TMEM230: variants seen among roughly 807,000 people sequenced by gnomAD.
TMEM230 encodes the protein UPF0414 transmembrane protein C20orf30.
In TMEM230, 10 loss-of-function variants were observed where a neutral mutation model predicts 15.8. The observed-to-expected ratio is 0.63, with a 90% CI of 0.39 to 1.07. TMEM230 has a LOEUF of 1.07. Ranked by LOEUF, TMEM230 falls within the 50% of genes least tolerant of loss-of-function variation. The pLI is 0.01. For synonymous variants in TMEM230, 67 were observed against 76.9 expected, an observed-to-expected ratio of 0.87 and a Z score of 0.68; for missense variants, 165 against 193.3, an observed-to-expected ratio of 0.85 and a Z score of 0.87.
downstream of TMEM230, among the ~76,000 whole-genome samples, chr20:5,099,625 C>T (rs1168272053): frequency 1.3e-5 from 2 of 152,158 alleles, no homozygotes. Context: ...TCGCAACTGC[C>T]TCCTCAACAG....
intron 3 of TMEM230, among the ~76,000 whole-genome samples, chr20:5,108,609 T>C (rs1458067011): frequency 2.6e-5 from 4 of 152,198 alleles, no homozygotes; most frequent in Admixed American, 2.6e-4. Context: ...TCCCAGATCT[T>C]TCCAGATCTA....
At chr20:5,104,797 C>A (rs2090004902) in intron 4 of TMEM230, among the ~76,000 whole-genome samples, 1 of 152,136 alleles carries the variant, frequency 6.6e-6, no homozygotes, top group African/African-American at 2.4e-5. Flanking sequence ...TCCATGTTCT[C>A]ACTCATTTGC....
At chr20:5,095,452 T>C (rs749073420), downstream of TMEM230, among the ~76,000 whole-genome samples, 1 of 152,164 alleles carries the variant, frequency 6.6e-6, no homozygotes, top group Non-Finnish European at 1.5e-5. Context: ...TTCTCACTGA[T>C]CACAAAAAAT....
At chr20:5,108,720 A>G (rs982145772) in intron 3 of TMEM230, among the ~76,000 whole-genome samples, 2 of 152,192 alleles carry the variant, frequency 1.3e-5, no homozygotes, top group Non-Finnish European at 2.9e-5. Flanking sequence ...CACGTAGAAC[A>G]TTCTATTGTA....
downstream of TMEM230, among the ~76,000 whole-genome samples, chr20:5,064,130 G>A (rs1568474124): frequency 6.6e-6 from 1 of 152,022 alleles, no homozygotes; most frequent in Admixed American, 6.6e-5. Flanking sequence ...AGACAGGTGT[G>A]GTAGCGCACA....
At chr20:5,111,130 C>G (rs1040176086) in intron 2 of TMEM230, 2 of 150,274 alleles carry the variant, frequency 1.3e-5, no homozygotes, top group African/African-American at 4.9e-5. Context: ...TACAGTGAGC[C>G]GAGACTGCAC....
At chr20:5,104,430 G>A (rs1344137209) in intron 4 of TMEM230, among the ~76,000 whole-genome samples, 2 of 152,176 alleles carry the variant, frequency 1.3e-5, no homozygotes, top group Non-Finnish European at 2.9e-5. Flanking sequence ...GGGAACCCTC[G>A]TACAATGTTG....
intron 3 of TMEM230, among the ~76,000 whole-genome samples, chr20:5,084,181 G>A (rs2089263465): frequency 6.6e-6 from 1 of 151,896 alleles, no homozygotes. Flanking sequence ...TTGTTGCAAA[G>A]AACACGATCT....
downstream of TMEM230, among the ~76,000 whole-genome samples, chr20:5,065,296 T>G (rs1218281045): frequency 1.3e-5 from 2 of 151,928 alleles, no homozygotes; most frequent in African/African-American, 2.4e-5. Context: ...AAATAACCCA[T>G]GAGTATCATG....
chr20:5,112,775 G>T, intron 1 of TMEM230, 186 bp downstream of exon 1: 4 of 1,479,312 alleles, frequency 2.7e-6, no homozygotes, highest in Middle Eastern at 1.8e-4. Flanking sequence ...AGAGAAATAA[G>T]AACCGACGCG....
intron 2 of TMEM230, 47 bp from the exon 2 acceptor site, chr20:5,109,492 G>A (rs2090228779): frequency 7.1e-7 from 1 of 1,404,776 alleles, no homozygotes; most frequent in Non-Finnish European, 1.0e-6. Context: ...AGATGACAAT[G>A]GTGCATTATA....
intron 3 of TMEM230, among the ~76,000 whole-genome samples, chr20:5,090,383 G>A (rs1550699): frequency 0.54 from 82,653 of 151,824 alleles, 23,012 homozygotes; most frequent in East Asian, 0.84. Flanking sequence ...GAAAAATGAC[G>A]ACAAAGGAGG....
chr20:5,060,285 A>G, the TMEM230 span, among the ~76,000 whole-genome samples: 2 of 146,788 alleles, frequency 1.4e-5, no homozygotes, highest in African/African-American at 5.0e-5. Context: ...AGGTTCTTCT[A>G]TTTTTGAAAT....
chr20:5,088,562 G>C lies in TMEM230; in HGVS notation c.222+17626C>G, dbSNP rs147764854. On this transcript the variant is annotated intron_variant, in intron 3 of 3. Coordinates refer to the TMEM230 transcript ENST00000612323. ...TGAGCCTACTGCACTCACCTGGCTA[G>C]AGTGCGGTAGCATGATCACAGCTGA... Among the ~76,000 whole-genome samples, 161 of 151,856 alleles carry C rather than the reference G, an allele frequency of 1.1e-3. 1 individual carries two copies. Among genetic ancestry groups the C allele is most frequent in the Non-Finnish European group, 1.9e-3 (130 of 67,934 alleles).
intron 3 of TMEM230, among the ~76,000 whole-genome samples, chr20:5,093,214 A>C (rs1469334327): frequency 1.3e-5 from 2 of 152,244 alleles, no homozygotes; most frequent in Non-Finnish European, 2.9e-5. Flanking sequence ...AAGAAAAAAA[A>C]GAATAAGAAA....
chr20:5,064,125 G>T (rs891683368), downstream of TMEM230, among the ~76,000 whole-genome samples: 3 of 152,054 alleles, frequency 2.0e-5, no homozygotes, highest in Non-Finnish European at 4.4e-5. Flanking sequence ...AAATTAGACA[G>T]GTGTGGTAGC....
chr20:5,088,178 G>C (rs532647275), intron 3 of TMEM230, among the ~76,000 whole-genome samples: 1 of 150,736 alleles, frequency 6.6e-6, no homozygotes, highest in African/African-American at 2.4e-5. Context: ...GCGTGGTGGC[G>C]CATGCCTGTA....
chr20:5,068,745 C>T (rs1359007790), exon 4 of TMEM230: 1 of 153,572 alleles, frequency 6.5e-6, no homozygotes, highest in Non-Finnish European at 1.4e-5. Context: ...ATTACTCATC[C>T]AGCTAAGGTT....
chr20:5,077,670 C>G (rs564638486), intron 3 of TMEM230, among the ~76,000 whole-genome samples: 1 of 152,072 alleles, frequency 6.6e-6, no homozygotes, highest in Non-Finnish European at 1.5e-5. Flanking sequence ...TCCATCTCTA[C>G]TGAAAATACA....
Sources: allele counts gnomAD v4.1 joint callset (sites outside exome capture counted in the v4.1 genomes callset), GRCh38; gene constraint gnomAD v4.1.1; transcripts MANE v1.5; gene names NCBI Gene and HGNC (gene_info 2026-07-23, HGNC 2026-07-21).